The following AFF2 variants were observed in gnomAD, a reference collection of about 807,000 sequenced individuals.
AFF2 encodes the protein AF4/FMR2 family member 2.
A neutral mutation model predicts 76.9 loss-of-function variants in AFF2; 14 were observed. That is an observed-to-expected ratio of 0.18 (90% CI 0.12 to 0.28). AFF2 has a LOEUF of 0.28. AFF2 is among the 10% of genes least tolerant of loss of function. The pLI is 1.00. For synonymous variants in AFF2, 398 were observed against 366.7 expected (o/e 1.09, Z -0.98); for missense variants, 868 against 1,001.1 (o/e 0.87, Z 1.79).
At chrX:148,587,307 C>G (rs1190241917) in intron 1 of AFF2, among the ~76,000 whole-genome samples, 1 of 111,785 alleles carries the variant, frequency 8.9e-6, no homozygotes, top group Non-Finnish European at 1.9e-5. Context: ...CCAGAAGGAG[C>G]CAACCACTCC....
intron 7 of AFF2, among the ~76,000 whole-genome samples, chrX:148,885,282 T>G (rs186774550): frequency 8.9e-6 from 1 of 111,984 alleles, no homozygotes; most frequent in East Asian, 2.8e-4. Context: ...ATCCACATCA[T>G]GGGCTTACAT....
chrX:148,877,119 G>A (rs1381362376), intron 7 of AFF2, among the ~76,000 whole-genome samples: 2 of 111,957 alleles, frequency 1.8e-5, no homozygotes, highest in Non-Finnish European at 3.8e-5. Context: ...GACAAGAGTC[G>A]GGGGTCAGCT....
intron 1 of AFF2, among the ~76,000 whole-genome samples, chrX:148,638,311 A>G (rs1307393916): frequency 5.4e-5 from 6 of 111,109 alleles, no homozygotes; most frequent in Non-Finnish European, 3.8e-5. Flanking sequence ...AGTTACAATC[A>G]TGGTGGAAGG....
intron 4 of AFF2, among the ~76,000 whole-genome samples, chrX:148,810,850 C>T (rs1033820310): frequency 9.0e-6 from 1 of 111,279 alleles, no homozygotes; most frequent in Non-Finnish European, 1.9e-5. Flanking sequence ...ATTTGGCACC[C>T]CCTTTCCTCA....
chrX:148,677,981 T>C (rs2054504217), intron 3 of AFF2, among the ~76,000 whole-genome samples: 1 of 111,919 alleles, frequency 8.9e-6, no homozygotes, highest in African/African-American at 3.2e-5. Flanking sequence ...AAGAGTGGAA[T>C]TGAATGTACA....
chrX:148,566,083 A>G (rs2053166792), intron 1 of AFF2, among the ~76,000 whole-genome samples: 1 of 111,779 alleles, frequency 8.9e-6, no homozygotes, highest in South Asian at 3.7e-4. Flanking sequence ...ACTGTGCCAA[A>G]TAGTTTATGT....
At chrX:148,709,832 T>C (rs1228701598) in intron 3 of AFF2, among the ~76,000 whole-genome samples, 1 of 111,950 alleles carries the variant, frequency 8.9e-6, no homozygotes, top group Non-Finnish European at 1.9e-5. Flanking sequence ...TCCTGTAAAA[T>C]GGGAATTGTA....
At chrX:148,706,462 G>C (rs137869347) in intron 3 of AFF2, among the ~76,000 whole-genome samples, 1,901 of 112,351 alleles carry the variant, frequency 0.017, 18 homozygotes, top group Non-Finnish European at 0.025. Flanking sequence ...TTAAAACTTT[G>C]AGAAAGCTCA....
chrX:148,666,269 C>A (rs1383448295), intron 3 of AFF2, among the ~76,000 whole-genome samples: 1 of 112,126 alleles, frequency 8.9e-6, no homozygotes, highest in Non-Finnish European at 1.9e-5. Context: ...TGAGGCATGT[C>A]ATTTTAACAA....
intron 3 of AFF2, among the ~76,000 whole-genome samples, chrX:148,694,802 A>C (rs2054694546): frequency 9.9e-6 from 1 of 100,584 alleles, no homozygotes; most frequent in South Asian, 4.7e-4. Flanking sequence ...ACAAGGTATC[A>C]CAAAGCACTT....
intron 1 of AFF2, among the ~76,000 whole-genome samples, chrX:148,592,045 G>C (rs1162159817): frequency 9.0e-6 from 1 of 111,691 alleles, no homozygotes; most frequent in Non-Finnish European, 1.9e-5. Context: ...TGTTTGCCTC[G>C]TTATGTCAGA....
chrX:148,617,399 C>T (rs782485723), intron 1 of AFF2, among the ~76,000 whole-genome samples: 29 of 111,859 alleles, frequency 2.6e-4, no homozygotes, highest in Admixed American at 6.6e-4. Context: ...TCATATCCTT[C>T]GCCCACTTTT....
intron 3 of AFF2, among the ~76,000 whole-genome samples, chrX:148,670,827 C>A (rs2054414484): frequency 8.9e-6 from 1 of 112,099 alleles, no homozygotes; most frequent in Admixed American, 9.5e-5. Flanking sequence ...GCCGAACTGG[C>A]TATTTTATAC....
At chrX:148,729,718 T>C (rs2055199475) in intron 3 of AFF2, among the ~76,000 whole-genome samples, 1 of 111,900 alleles carries the variant, frequency 8.9e-6, no homozygotes, top group Non-Finnish European at 1.9e-5. Context: ...AAAACAATTA[T>C]CCAGTGAATT....
Position 148,999,329 on chromosome X carries a change from C to A in AFF2, c.*7997C>A, listed in dbSNP as rs1207461597. ...TGTATATAAGAATCAGAAAGATAAT[C>A]CCAACATGTTGTAAATGAAGATGTG... On this transcript the variant is annotated 3_prime_UTR_variant, in exon 21 of 21. Transcript: ENST00000370460. The A allele has an allele frequency of 8.9e-6, 1 of 111,825 alleles. No homozygotes were observed. Among genetic ancestry groups the A allele is most frequent in the Non-Finnish European group, 1.9e-5 (1 of 53,213 alleles). 9.2% of individuals were successfully genotyped at this position (111,825 alleles called of 1,213,427 possible).
intron 9 of AFF2, among the ~76,000 whole-genome samples, chrX:148,919,477 A>G (rs2071568238): frequency 9.0e-6 from 1 of 111,097 alleles, no homozygotes; most frequent in African/African-American, 3.3e-5. Flanking sequence ...AAGTGAAAGC[A>G]TATTGGGAAG....
chrX:148,517,938 T>A (rs1164243892), intron 1 of AFF2, among the ~76,000 whole-genome samples: 1 of 107,765 alleles, frequency 9.3e-6, no homozygotes, highest in African/African-American at 3.4e-5. Context: ...CAGGAGAATG[T>A]TGTGAACCTG....
chrX:148,802,011 G>A (rs1333370522), intron 3 of AFF2, among the ~76,000 whole-genome samples: 1 of 111,686 alleles, frequency 9.0e-6, no homozygotes, highest in Non-Finnish European at 1.9e-5. Context: ...AGTTTTTCCT[G>A]GAAGCACTTT....
At chrX:148,642,631 T>C (rs1428816383) in intron 1 of AFF2, among the ~76,000 whole-genome samples, 1 of 111,765 alleles carries the variant, frequency 8.9e-6, no homozygotes, top group Non-Finnish European at 1.9e-5. Flanking sequence ...ACGTGGCGCA[T>C]GGGATGAAGC....
Sources: gnomAD v4.1 joint callset for allele counts (sites outside exome capture counted in the v4.1 genomes callset) on GRCh38, gnomAD v4.1.1 for gene constraint, MANE v1.5 for transcripts, NCBI Gene and HGNC (gene_info 2026-07-23, HGNC 2026-07-21) for gene names.